ERICH1: variants seen among roughly 807,000 people sequenced by gnomAD.
ERICH1 encodes glutamate rich 1.
In ERICH1, 56 loss-of-function variants were observed where a neutral mutation model predicts 39.6. The ratio of observed to expected loss-of-function variants is 1.41; its 90% CI spans 1.14 to 1.77. ERICH1 has a LOEUF of 1.77. ERICH1 is among the 40% of genes most tolerant of loss of function. The pLI, the probability that ERICH1 is intolerant of heterozygous loss-of-function variation, is 0.00. For synonymous variants in ERICH1, 313 were observed against 223.6 expected (o/e 1.40, Z -3.57); for missense variants, 826 against 575.4 (o/e 1.44, Z -4.45).
At position 664,322 on chromosome 8, in the gene ERICH1, A is replaced by G. The variant is rs917389299; in HGVS notation, c.*281T>C. 9.2e-7 allele frequency: 1 copy of G among 1,086,174 alleles called. No individual in the cohort carries two copies. The highest frequency in any genetic ancestry group is 1.1e-6 in the Non-Finnish European group (1 of 895,410). The allele number at this position is 1,086,174 out of a possible 1,614,324, so 67.3% of individuals were successfully genotyped here. A position where few individuals can be genotyped will look rare whatever the true frequency, so the allele number is the denominator to read the frequency against. On this transcript the variant is annotated 3_prime_UTR_variant, in exon 6 of 6. Coordinates refer to ENST00000262109, the MANE Select transcript of ERICH1 (RefSeq NM_207332.3). ...CAAACTATACATTTAACTTAACAGA[A>G]TGTCCATTTTCAATTTTTACAATAA...
In ERICH1 at chr8:616,964, C is replaced by CAG. The variant is rs74222338; in HGVS notation, c.977-1682_977-1681dup. Among the ~76,000 whole-genome samples the CAG allele has an allele frequency of 4.8e-3, 49 of 10,150 alleles. 13 individuals are homozygous for CAG. In the South Asian group the frequency reaches 0.052, roughly 11 times the overall value. The allele number at this position is 10,150 out of a possible 152,430, so 6.7% of individuals were successfully genotyped here. A position where few individuals can be genotyped will look rare whatever the true frequency, so the allele number is the denominator to read the frequency against. On this transcript the variant is annotated intron_variant, in intron 3 of 3. Transcript: ENST00000522706. ...AGAGGGAGAGGGAGACAGAGACACA[C>CAG]AGAGAGAGAGAGAGAGAGACATTGG...
At position 642,527 on chromosome 8, in the gene ERICH1, G is replaced by T. The variant is rs527654692; in HGVS notation, c.976+26071C>A. ...GCCCGGCTAATTTTTTGTATTTTTA[G>T]TAGAGACGGGGTTTCACTGTGTTAG... On this transcript the variant is annotated intron_variant, in intron 3 of 3. Transcript: ENST00000522706. 3.9e-5 allele frequency among the ~76,000 whole-genome samples: 6 copies of T among 151,946 alleles called. No homozygotes were observed. In the East Asian group the frequency reaches 1.2e-3, roughly 30 times the overall value.
intron 1 of ERICH1, among the ~76,000 whole-genome samples, chr8:717,791 A>G (rs1304504319): frequency 6.6e-6 from 1 of 152,232 alleles, no homozygotes; most frequent in Non-Finnish European, 1.5e-5. Flanking sequence ...GGAGCCAGGA[A>G]AATGCTATGG....
At chr8:617,614 C>A (rs1451567005) in intron 3 of ERICH1, among the ~76,000 whole-genome samples, 1 of 151,088 alleles carries the variant, frequency 6.6e-6, no homozygotes, top group Non-Finnish European at 1.5e-5. Context: ...GTTCTCACTG[C>A]CCTCTGAGTG....
downstream of ERICH1, among the ~76,000 whole-genome samples, chr8:661,299 T>C (rs940574904): frequency 6.6e-6 from 1 of 152,124 alleles, no homozygotes; most frequent in Non-Finnish European, 1.5e-5. Context: ...TGGAGTCTCC[T>C]GAACCCACCA....
At chr8:641,581 T>C (rs1399450819) in intron 3 of ERICH1, among the ~76,000 whole-genome samples, 1 of 152,234 alleles carries the variant, frequency 6.6e-6, no homozygotes, top group African/African-American at 2.4e-5. Flanking sequence ...TCACACAGAT[T>C]ATTCAAATTA....
chr8:670,585 C>G (rs973183815), intron 4 of ERICH1, among the ~76,000 whole-genome samples: 11 of 152,070 alleles, frequency 7.2e-5, no homozygotes, highest in Admixed American at 7.2e-4. Flanking sequence ...CTGCTGGGCT[C>G]GAGGGTCAGG....
At position 684,040 on chromosome 8, in the gene ERICH1, G is replaced by A. The variant is rs76474664; in HGVS notation, c.304+8438C>T. Among the ~76,000 whole-genome samples, 184 of 152,318 alleles carry A rather than the reference G, an allele frequency of 1.2e-3. 1 individual carries two copies. The highest frequency in any genetic ancestry group is 4.1e-3 in the African/African-American group (171 of 41,576). On this transcript the variant is annotated intron_variant, in intron 3 of 5. Transcript: ENST00000262109. ...TGTTTGAGTCTTAAAAACTGACTTA[G>A]TGGAAAAGTAGTTAGTGTCTCACCA... is the stretch of plus-strand genomic sequence containing the variant.
chr8:668,910 T>G (rs1802720635), intron 4 of ERICH1, 118 bp from the exon 5 acceptor site: 1 of 890,434 alleles, frequency 1.1e-6, no homozygotes, highest in African/African-American at 1.7e-5. Context: ...GAATGACATA[T>G]CTGGGAGATG....
intron 3 of ERICH1, among the ~76,000 whole-genome samples, chr8:685,341 C>A (rs1286733184): frequency 6.6e-6 from 1 of 152,190 alleles, no homozygotes; most frequent in African/African-American, 2.4e-5. Flanking sequence ...CCCTGAACAT[C>A]GCTGTTATCC....
chr8:658,716 C>T (rs1800998540), intron 3 of ERICH1, among the ~76,000 whole-genome samples: 1 of 152,158 alleles, frequency 6.6e-6, no homozygotes, highest in African/African-American at 2.4e-5. Context: ...GCCCCTGGTA[C>T]AAACAAAGGC....
intron 3 of ERICH1, among the ~76,000 whole-genome samples, chr8:631,707 T>C (rs1052511395): frequency 1.3e-5 from 2 of 152,192 alleles, no homozygotes; most frequent in African/African-American, 4.8e-5. Context: ...TCAGCGGCAC[T>C]GAGCGCTTCA....
rs776924928 is a variant in ERICH1, at chr8:692,596, G to A, written c.186C>T (p.Thr62=). Residue 62 remains threonine, a synonymous_variant, in exon 3 of 6, where the codon ACC becomes ACT. Coordinates refer to ENST00000262109, the MANE Select transcript of ERICH1 (RefSeq NM_207332.3). Reference sequence around the variant, plus strand: ...CAGTGTAGAGCCGTCGGGCAGTCGGGGTCTCAGAGCCAGTGTCTGCAACAC... The same window carrying A: ...CAGTGTAGAGCCGTCGGGCAGTCGGAGTCTCAGAGCCAGTGTCTGCAACAC... ...AEPLTDTGSE[T]PTARRLYTAS... The A allele has an allele frequency of 2.5e-6, 4 of 1,600,546 alleles. No homozygotes were observed. Among genetic ancestry groups the A allele is most frequent in the Admixed American group, 3.4e-5 (2 of 58,070 alleles).
chr8:675,220 G>A (rs1203844496), intron 3 of ERICH1, among the ~76,000 whole-genome samples: 1 of 16,390 alleles, frequency 6.1e-5, no homozygotes, highest in Non-Finnish European at 1.2e-4. Context: ...CGTGAGGACA[G>A]AGACGCGGCG....
intron 3 of ERICH1, chr8:625,977 G>T (rs1235448760): frequency 6.6e-6 from 1 of 152,158 alleles, no homozygotes; most frequent in African/African-American, 2.4e-5. Flanking sequence ...GCCTAGCAAA[G>T]GATATTATTT....
At chr8:692,698 C>A in intron 2 of ERICH1, 86 bp from the exon 3 acceptor site, 1 of 1,381,834 alleles carries the variant, frequency 7.2e-7, no homozygotes, top group African/African-American at 1.5e-5. Flanking sequence ...GGCATTGTTT[C>A]TCTAAATTCA....
chr8:643,731 G>C, intron 3 of ERICH1, among the ~76,000 whole-genome samples: 1 of 152,230 alleles, frequency 6.6e-6, no homozygotes, highest in East Asian at 1.9e-4. Context: ...GGGATGTGGC[G>C]TCAGGCATGG....
At chr8:731,072 CA>C in intron 1 of ERICH1, 67 bp downstream of exon 1, 1 of 1,387,700 alleles carries the variant, frequency 7.2e-7, no homozygotes, top group Non-Finnish European at 9.4e-7. Flanking sequence ...GGTCCCGAGT[CA>C]ACACCGCGGT....
intron 4 of ERICH1, among the ~76,000 whole-genome samples, chr8:672,662 G>C (rs1803700686): frequency 6.6e-6 from 1 of 152,204 alleles, no homozygotes; most frequent in African/African-American, 2.4e-5. Context: ...TTCTGGGGCA[G>C]CCACGTGTCC....
Sources: allele counts gnomAD v4.1 joint callset (sites outside exome capture counted in the v4.1 genomes callset), GRCh38; gene constraint gnomAD v4.1.1; transcripts MANE v1.5; gene names NCBI Gene and HGNC (gene_info 2026-07-23, HGNC 2026-07-21).